Variants in PSMB7 observed in about 807,000 individuals in gnomAD.
PSMB7 encodes proteasome 20S subunit beta 7.
A neutral mutation model predicts 28.1 loss-of-function variants in PSMB7; 5 were observed. That is an observed-to-expected ratio of 0.18 (90% CI 0.09 to 0.37). The LOEUF (loss-of-function observed/expected upper bound fraction) is 0.37. PSMB7 is among the 10% of genes least tolerant of loss of function. PSMB7 has a pLI of 1.00. For missense variants in PSMB7, 275 were observed against 346.2 expected, an observed-to-expected ratio of 0.79 and a Z score of 1.63; for synonymous variants, 122 against 123.7, an observed-to-expected ratio of 0.99 and a Z score of 0.09.
At chr9:124,362,530 A>AC (rs1830472721) in intron 6 of PSMB7, among the ~76,000 whole-genome samples, 1 of 152,222 alleles carries the variant, frequency 6.6e-6, no homozygotes, top group Non-Finnish European at 1.5e-5. Flanking sequence ...GTTCACAACC[A>AC]TTTGCTCCTT....
At chr9:124,384,703 T>C (rs763759653) in intron 5 of PSMB7, 47 bp from the exon 6 acceptor site, 2 of 1,584,344 alleles carry the variant, frequency 1.3e-6, no homozygotes, top group Non-Finnish European at 1.7e-6. Context: ...ATATCCCAGC[T>C]TATCCATCTC....
chr9:124,393,940 C>T (rs556692872), intron 5 of PSMB7, among the ~76,000 whole-genome samples: 7 of 152,354 alleles, frequency 4.6e-5, no homozygotes, highest in African/African-American at 9.6e-5. Context: ...GTCCCCTGCA[C>T]CACGAGGCCA....
At chr9:124,415,298 G>C in intron 1 of PSMB7, 66 bp downstream of exon 1, 1 of 1,512,410 alleles carries the variant, frequency 6.6e-7, no homozygotes. Flanking sequence ...TCACACCTTG[G>C]CCCAGCTCCC....
chr9:124,373,738 G>C (rs776510174), intron 6 of PSMB7, among the ~76,000 whole-genome samples: 22 of 152,112 alleles, frequency 1.4e-4, no homozygotes, highest in Non-Finnish European at 2.4e-4. Context: ...TGACAATCAA[G>C]GATAGAGGAT....
At chr9:124,393,413 G>A (rs1272790268) in intron 5 of PSMB7, among the ~76,000 whole-genome samples, 1 of 152,178 alleles carries the variant, frequency 6.6e-6, no homozygotes, top group African/African-American at 2.4e-5. Flanking sequence ...TAAGCACTGA[G>A]TATTACATTT....
intron 2 of PSMB7, 50 bp downstream of exon 2, chr9:124,414,792 A>AT: frequency 6.7e-7 from 1 of 1,499,082 alleles, no homozygotes; most frequent in Non-Finnish European, 9.3e-7. Flanking sequence ...AAGTGTTCTG[A>AT]TTCCTGTTGC....
At chr9:124,388,596 T>C (rs935636689) in intron 5 of PSMB7, among the ~76,000 whole-genome samples, 3 of 152,210 alleles carry the variant, frequency 2.0e-5, no homozygotes, top group Admixed American at 6.5e-5. Context: ...GTTGACCCTA[T>C]GTCGCGCTCT....
intron 6 of PSMB7, among the ~76,000 whole-genome samples, chr9:124,376,046 A>T (rs1317201071): frequency 6.6e-6 from 1 of 152,250 alleles, no homozygotes; most frequent in African/African-American, 2.4e-5. Flanking sequence ...GCACAGATGC[A>T]ACCTAAATAA....
intron 5 of PSMB7, among the ~76,000 whole-genome samples, chr9:124,404,598 T>C (rs1742239497): frequency 6.6e-6 from 1 of 152,118 alleles, no homozygotes; most frequent in Non-Finnish European, 1.5e-5. Context: ...CTATAATCCA[T>C]CCAAGCATTT....
chr9:124,414,363 T>G (rs1301886424), intron 2 of PSMB7, among the ~76,000 whole-genome samples: 1 of 152,188 alleles, frequency 6.6e-6, no homozygotes, highest in African/African-American at 2.4e-5. Context: ...AACATGTTGC[T>G]TTTCTTTAAA....
At chr9:124,414,985 C>T in intron 1 of PSMB7, 50 bp from the exon 2 acceptor site, 1 of 1,280,988 alleles carries the variant, frequency 7.8e-7, no homozygotes, top group East Asian at 2.3e-5. Context: ...CCACATCGCA[C>T]AGCACTGGCA....
intron 6 of PSMB7, among the ~76,000 whole-genome samples, chr9:124,363,621 C>G (rs1830482361): frequency 6.6e-6 from 1 of 152,186 alleles, no homozygotes. Flanking sequence ...GCAGCTGGTG[C>G]TGGGCACGCT....
At chr9:124,383,277 T>A (rs1351357376) in intron 6 of PSMB7, among the ~76,000 whole-genome samples, 1 of 152,240 alleles carries the variant, frequency 6.6e-6, no homozygotes, top group African/African-American at 2.4e-5. Context: ...TACTTGGACC[T>A]GTTTACTATT....
At chr9:124,374,259 T>C (rs754679579) in intron 6 of PSMB7, among the ~76,000 whole-genome samples, 4 of 152,140 alleles carry the variant, frequency 2.6e-5, no homozygotes, top group Non-Finnish European at 5.9e-5. Flanking sequence ...TGATGGCCAA[T>C]AAGAATGGAG....
At chr9:124,385,622 T>C (rs1830710940) in intron 5 of PSMB7, among the ~76,000 whole-genome samples, 1 of 152,236 alleles carries the variant, frequency 6.6e-6, no homozygotes. Flanking sequence ...TTTATTACTT[T>C]TTAACTTGTT....
intron 5 of PSMB7, among the ~76,000 whole-genome samples, chr9:124,392,434 G>T (rs573165548): frequency 6.6e-6 from 1 of 152,202 alleles, no homozygotes; most frequent in Non-Finnish European, 1.5e-5. Context: ...CAAGCACAGC[G>T]TGAATGATGC....
intron 4 of PSMB7, among the ~76,000 whole-genome samples, chr9:124,407,920 G>A (rs923608571): frequency 1.3e-5 from 2 of 152,210 alleles, no homozygotes; most frequent in Non-Finnish European, 2.9e-5. Context: ...GTCATGGTAG[G>A]AGGATTACTT....
chr9:124,377,751 A>G (rs966287004), intron 6 of PSMB7, among the ~76,000 whole-genome samples: 4 of 152,228 alleles, frequency 2.6e-5, no homozygotes, highest in Non-Finnish European at 5.9e-5. Flanking sequence ...CATAAATCAG[A>G]CGGCTGAAGT....
At chr9:124,380,402 G>A (rs1313183574) in intron 6 of PSMB7, among the ~76,000 whole-genome samples, 2 of 152,088 alleles carry the variant, frequency 1.3e-5, no homozygotes, top group African/African-American at 4.8e-5. Context: ...TCTGCCAAGC[G>A]TGGTGGTACA....
Sources: allele counts gnomAD v4.1 joint callset (sites outside exome capture counted in the v4.1 genomes callset), GRCh38; gene constraint gnomAD v4.1.1; transcripts MANE v1.5; gene names NCBI Gene and HGNC (gene_info 2026-07-23, HGNC 2026-07-21).